PIANP: variants seen among roughly 807,000 people sequenced by gnomAD.
PIANP encodes the protein PILR alpha-associated neural protein.
Under a neutral mutation model 28.9 loss-of-function variants are expected in PIANP, and 14 were observed. The observed-to-expected ratio is 0.49, with a 90% CI of 0.32 to 0.76. The LOEUF (loss-of-function observed/expected upper bound fraction) is 0.76. Ranked by LOEUF, PIANP falls within the 30% of genes least tolerant of loss-of-function variation. PIANP has a pLI of 0.03. For synonymous variants in PIANP, 149 were observed against 156.6 expected (o/e 0.95, Z 0.36); for missense variants, 322 against 371.8 (o/e 0.87, Z 1.10).
chr12:6,695,249 A>G lies in PIANP; in HGVS notation c.*177T>C, dbSNP rs57224673. 7.0e-3 allele frequency: 9,726 copies of G among 1,399,362 alleles called. 465 individuals carry two copies. In the African/African-American group the frequency reaches 0.11, roughly 16 times the overall value. 86.7% of individuals were successfully genotyped at this position (1,399,362 alleles called of 1,614,324 possible). A position where few individuals can be genotyped will look rare whatever the true frequency, so the allele number is the denominator to read the frequency against. The stretch of plus-strand genomic sequence containing the variant: ...GAGAATAGGACACAGATCCTGAGAG[A>G]CTGGGAGAAGGAAGGGTGCCTCCCA... On this transcript the variant is annotated 3_prime_UTR_variant, in exon 5 of 5. Transcript: ENST00000534837. This position sits in a 1 kb window ranked among gnomAD's most constrained non-coding sequence, Gnocchi z 4.2.
chr12:6,695,909 C>G lies in PIANP; in HGVS notation c.606-258G>C, dbSNP rs544247105. On this transcript the variant is annotated intron_variant, in intron 4 of 4. Coordinates refer to ENST00000534837, the MANE Select transcript of PIANP (RefSeq NM_001244014.2). The surrounding 1 kb of genome is among the most constrained non-coding windows in gnomAD (Gnocchi z 4.2). ...ATCCAGATCGACAAAATTAATATCC[C>G]CTCCCCACCACCACAATGTCCTCTC... is the stretch of plus-strand genomic sequence containing the variant. Among the ~76,000 whole-genome samples the G allele has an allele frequency of 1.3e-5, 2 of 152,170 alleles. No homozygotes were observed. Among genetic ancestry groups the G allele is most frequent in the African/African-American group, 4.8e-5 (2 of 41,498 alleles).
At chr12:6,698,670 AAGAG>A (rs960295766) in intron 1 of PIANP, among the ~76,000 whole-genome samples, 1 of 151,764 alleles carries the variant, frequency 6.6e-6, no homozygotes, top group Non-Finnish European at 1.5e-5. Flanking sequence ...AAGAGACAGA[AAGAG>A]AGAGGTGAGT....
In PIANP at chr12:6,697,793, C is replaced by G; in HGVS notation, c.18-1G>C. 6.5e-7 allele frequency: 1 copy of G among 1,534,206 alleles called. No individual in the cohort carries two copies. Among genetic ancestry groups the G allele is most frequent in the Non-Finnish European group, 8.7e-7 (1 of 1,143,556 alleles). On this transcript the variant is annotated splice_acceptor_variant, in intron 2 of 4. Coordinates refer to ENST00000534837, the MANE Select transcript of PIANP (RefSeq NM_001244014.2). LOFTEE classifies it high-confidence loss of function. This position sits in a 1 kb window ranked among gnomAD's most constrained non-coding sequence, Gnocchi z 6.9. ...GAGGTGGGACAGCAGCAGCGCAGGCCTGCAAGAAGGGAGAGAGCGTGGCTG... is the reference window on the plus strand; with the variant it reads ...GAGGTGGGACAGCAGCAGCGCAGGCGTGCAAGAAGGGAGAGAGCGTGGCTG...
chr12:6,693,587 C>G (rs778468860), downstream of PIANP, among the ~76,000 whole-genome samples: 5 of 152,150 alleles, frequency 3.3e-5, no homozygotes, highest in African/African-American at 4.8e-5. Flanking sequence ...TCTAGTTTCT[C>G]TCTTGTACCA....
rs1592450215 is a variant in PIANP at position 6,697,853 on chromosome 12, G to A, written c.18-61C>T. Reference sequence around the variant, plus strand: ...CCTACTGTGGGCCTATGTGAGGGAGGGACAGGTTCACACCAGAAACCTCCA... The same window carrying A: ...CCTACTGTGGGCCTATGTGAGGGAGAGACAGGTTCACACCAGAAACCTCCA... On this transcript the variant is annotated intron_variant, in intron 2 of 4. Transcript: ENST00000534837. This position sits in a 1 kb window ranked among gnomAD's most constrained non-coding sequence, Gnocchi z 6.9. 2.0e-6 allele frequency: 3 copies of A among 1,497,546 alleles called. No homozygotes were observed. Among genetic ancestry groups the A allele is most frequent in the South Asian group, 1.3e-5 (1 of 74,340 alleles). The allele number at this position is 1,497,546 out of a possible 1,614,324, so 92.8% of individuals were successfully genotyped here.
downstream of PIANP, among the ~76,000 whole-genome samples, chr12:6,692,667 G>A (rs1959727468): frequency 6.6e-6 from 1 of 152,192 alleles, no homozygotes; most frequent in South Asian, 2.1e-4. Flanking sequence ...GCTTTGAGTT[G>A]GTTCATCAAT....
rs1406034907 is a variant in PIANP, at chr12:6,700,039, C to T, written c.-44+575G>A. 1.3e-5 allele frequency: 2 copies of T among 152,358 alleles called. No homozygotes were observed. The highest frequency in any genetic ancestry group is 2.9e-5 in the Non-Finnish European group (2 of 68,202). 9.4% of individuals were successfully genotyped at this position (152,358 alleles called of 1,614,324 possible). A position where few individuals can be genotyped will look rare whatever the true frequency, so the allele number is the denominator to read the frequency against. The stretch of plus-strand genomic sequence containing the variant: ...CACCCCCAGCCAGCGCCAACCCAGT[C>T]CCTGGGCCCCGCACAGCTTCAGCCG... On this transcript the variant is annotated intron_variant, in intron 1 of 4. Transcript: ENST00000534837. The surrounding 1 kb of genome is among the most constrained non-coding windows in gnomAD (Gnocchi z 5.5).
Position 6,695,542 on chromosome 12 carries a change from G to A in PIANP, c.715C>T (p.Leu239=). The change falls in exon 5 of 5, where the codon CTG becomes TTG. Residue 239 remains leucine (L), a synonymous_variant. Coordinates refer to ENST00000534837, the MANE Select transcript of PIANP (RefSeq NM_001244014.2). The surrounding 1 kb of genome is among the most constrained non-coding windows in gnomAD (Gnocchi z 4.2). ...GTAGGTGAGTCCCCGAAGGCCCCCA[G>A]CACAGTGACTCCAGCCGGGGACAGG... The part of the protein sequence containing the change: ...TDLSPAGVTV[L]GAFGDSPTPT... The A allele has an allele frequency of 3.1e-6, 5 of 1,594,014 alleles. No individual in the cohort carries two copies. Among genetic ancestry groups the A allele is most frequent in the Non-Finnish European group, 4.3e-6 (5 of 1,169,288 alleles).
chr12:6,697,715 G>A lies in PIANP; in HGVS notation c.95C>T (p.Ser32Phe), dbSNP rs1001249179. Residue 32 changes from serine to phenylalanine, a missense_variant, in exon 3 of 5, where the codon TCT (serine) becomes TTT (phenylalanine). Transcript: ENST00000534837. The surrounding 1 kb of genome is among the most constrained non-coding windows in gnomAD (Gnocchi z 6.9). ...TGGTGGGGTTCGAGGGGAGGATGAA[G>A]AGCCCTGAGCAGGCGGTGGGAGGGG... ...LLPLPPPAQG[S>F]SSSPRTPPAP... 3.9e-6 allele frequency: 6 copies of A among 1,555,008 alleles called. No homozygotes were observed. Among genetic ancestry groups the A allele is most frequent in the Admixed American group, 2.1e-5 (1 of 47,996 alleles).
Position 6,696,058 on chromosome 12 carries a change from A to T in PIANP, c.605+385T>A, listed in dbSNP as rs1257328253. Among the ~76,000 whole-genome samples the T allele has an allele frequency of 6.6e-6, 1 of 152,142 alleles. No individual in the cohort carries two copies. Among genetic ancestry groups the T allele is most frequent in the Admixed American group, 6.6e-5 (1 of 15,264 alleles). On this transcript the variant is annotated intron_variant, in intron 4 of 4. Transcript: ENST00000534837. The surrounding 1 kb of genome is among the most constrained non-coding windows in gnomAD (Gnocchi z 4.0). ...TGATTCTCTCAGTAAAGTGTGAAGG[A>T]CTGAGTGATCCATTATTAAATGTGT...
rs745673518 is a variant in PIANP, at chr12:6,697,383, G to T, written c.427C>A (p.Pro143Thr). ...TCACCTCGCATGGAGTCTGAGTTGG[G>T]GTGTGGGGTTGCGAGCCCATGAGGG... ...AAPHGLATPHPNSDSMRGDGD... is the reference protein window; with the variant it reads ...AAPHGLATPHTNSDSMRGDGD... The change falls in exon 3 of 5, where the codon CCC becomes ACC. Residue 143 changes from proline to threonine, a missense_variant. By Grantham distance (38) the Pro-to-Thr change is conservative. Coordinates refer to ENST00000534837, the MANE Select transcript of PIANP (RefSeq NM_001244014.2). The surrounding 1 kb of genome is among the most constrained non-coding windows in gnomAD (Gnocchi z 6.9). 1 of 1,614,056 alleles carries T rather than the reference G, an allele frequency of 6.2e-7. No individual in the cohort carries two copies.
chr12:6,696,570 G>GAGCC lies in PIANP; in HGVS notation c.524-50_524-47dup. ...GTTTTAGGGAGCCCCGAGGTGGTAG[G>GAGCC]AGCCAAGAGGGGCTGGGGGCTGGGC... is the stretch of plus-strand genomic sequence containing the variant. On this transcript the variant is annotated intron_variant, in intron 3 of 4. Transcript: ENST00000534837. The surrounding 1 kb of genome is among the most constrained non-coding windows in gnomAD (Gnocchi z 4.0). 7.1e-7 allele frequency: 1 copy of GAGCC among 1,406,978 alleles called. No individual in the cohort carries two copies. The highest frequency in any genetic ancestry group is 1.4e-5 in the South Asian group (1 of 72,288). 87.2% of individuals were successfully genotyped at this position (1,406,978 alleles called of 1,614,324 possible).
Position 6,694,724 on chromosome 12 carries a change from A to G in PIANP, c.*702T>C. On this transcript the variant is annotated 3_prime_UTR_variant, in exon 5 of 5. Coordinates refer to ENST00000534837, the MANE Select transcript of PIANP (RefSeq NM_001244014.2). This position sits in a 1 kb window ranked among gnomAD's most constrained non-coding sequence, Gnocchi z 6.1. ...ATGAGAGTCAGCTGAGCGGAGCGGT[A>G]TGGACGGGGAGAGGGTGCAGGAGCG... is the stretch of plus-strand genomic sequence containing the variant. 2.9e-6 allele frequency: 1 copy of G among 342,926 alleles called. No individual in the cohort carries two copies. Among genetic ancestry groups the G allele is most frequent in the East Asian group, 4.5e-5 (1 of 22,096 alleles). 21.2% of individuals were successfully genotyped at this position (342,926 alleles called of 1,614,324 possible). A position where few individuals can be genotyped will look rare whatever the true frequency, so the allele number is the denominator to read the frequency against.
In PIANP at chr12:6,697,357, A is replaced by C. The variant is rs1959897670; in HGVS notation, c.453T>G (p.Asp151Glu). 1.2e-6 allele frequency: 2 copies of C among 1,613,836 alleles called. No homozygotes were observed. Among genetic ancestry groups the C allele is most frequent in the Non-Finnish European group, 1.7e-6 (2 of 1,179,892 alleles). The change falls in exon 3 of 5, where the codon GAT becomes GAG. Residue 151 changes from aspartate (D) to glutamate (E), a missense_variant. Transcript: ENST00000534837. This position sits in a 1 kb window ranked among gnomAD's most constrained non-coding sequence, Gnocchi z 6.9. ...CCTCTCCAAGGATAAGCCCATCTCC[A>C]TCACCTCGCATGGAGTCTGAGTTGG... ...PHPNSDSMRG[D>E]GDGLILGEAP...
Position 6,697,359 on chromosome 12 carries a change from C to T in PIANP, c.451G>A (p.Asp151Asn). 6.2e-7 allele frequency: 1 copy of T among 1,614,044 alleles called. No homozygotes were observed. Among genetic ancestry groups the T allele is most frequent in the Non-Finnish European group, 8.5e-7 (1 of 1,179,884 alleles). ...TCTCCAAGGATAAGCCCATCTCCAT[C>T]ACCTCGCATGGAGTCTGAGTTGGGG... Reference protein sequence around the residue: ...PHPNSDSMRGDGDGLILGEAP... With the variant: ...PHPNSDSMRGNGDGLILGEAP... The change falls in exon 3 of 5, where the codon GAT becomes AAT. Residue 151 changes from aspartate (D) to asparagine (N), a missense_variant. Asp to Asn is a conservative substitution (Grantham distance 23). Transcript: ENST00000534837. This position sits in a 1 kb window ranked among gnomAD's most constrained non-coding sequence, Gnocchi z 6.9.
At chr12:6,698,175 T>C (rs1959937740) in intron 1 of PIANP, 71 bp from the exon 2 acceptor site, 1 of 1,281,834 alleles carries the variant, frequency 7.8e-7, no homozygotes, top group East Asian at 2.5e-5. Context: ...CATCCACCAA[T>C]TCTACCCGCA....
At chr12:6,698,358 C>A in intron 1 of PIANP, 1 of 526,338 alleles carries the variant, frequency 1.9e-6, no homozygotes, top group Non-Finnish European at 3.4e-6. Flanking sequence ...ACTCTGGCTT[C>A]TCTGATTTCC....
At chr12:6,699,557 G>A (rs1959985612) in intron 1 of PIANP, among the ~76,000 whole-genome samples, 1 of 151,986 alleles carries the variant, frequency 6.6e-6, no homozygotes, top group South Asian at 2.1e-4. Flanking sequence ...GAAAAGGTCA[G>A]GGAGGGGAAA....
chr12:6,698,222 G>T, intron 1 of PIANP, 118 bp from the exon 2 acceptor site: 1 of 813,136 alleles, frequency 1.2e-6, no homozygotes. Context: ...CAGCTATGCG[G>T]CTGCACCCAG....
Sources: allele counts gnomAD v4.1 joint callset (sites outside exome capture counted in the v4.1 genomes callset), GRCh38; gene constraint gnomAD v4.1.1; non-coding constraint Gnocchi (gnomAD v3.1); transcripts MANE v1.5; gene names NCBI Gene and HGNC (gene_info 2026-07-23, HGNC 2026-07-21).